XKR6: variants seen among roughly 807,000 people sequenced by gnomAD.
XKR6 encodes XK-related protein 6.
In XKR6, 22 loss-of-function variants were observed where a neutral mutation model predicts 56.7. The ratio of observed to expected loss-of-function variants is 0.39; its 90% confidence interval spans 0.28 to 0.55. XKR6 has a LOEUF of 0.55. Ranked by LOEUF, XKR6 falls within the 20% of genes least tolerant of loss-of-function variation. The probability of loss-of-function intolerance (pLI) is 0.66; values close to 1 mark genes in which losing one functional copy is unlikely to be tolerated. For synonymous variants in XKR6, 524 were observed against 387.8 expected, an observed-to-expected ratio of 1.35 and a Z score of -4.13; for missense variants, 852 against 889.0, an observed-to-expected ratio of 0.96 and a Z score of 0.53.
intron 1 of XKR6, among the ~76,000 whole-genome samples, chr8:11,165,320 G>GA (rs1371334563): frequency 6.6e-6 from 1 of 151,926 alleles, no homozygotes; most frequent in Admixed American, 6.6e-5. Context: ...GGCTGGTCTT[G>GA]AACTCCTGAC....
At chr8:11,095,907 C>A (rs1022831598) in intron 1 of XKR6, among the ~76,000 whole-genome samples, 2 of 152,172 alleles carry the variant, frequency 1.3e-5, no homozygotes, top group Admixed American at 6.5e-5. Flanking sequence ...CCAATTAAGT[C>A]TATGATTAAA....
intron 1 of XKR6, among the ~76,000 whole-genome samples, chr8:11,114,315 G>C (rs1196590784): frequency 6.6e-6 from 1 of 152,122 alleles, no homozygotes; most frequent in Non-Finnish European, 1.5e-5. Flanking sequence ...GTTCTACAAA[G>C]CTAAAGTCAT....
intron 1 of XKR6, among the ~76,000 whole-genome samples, chr8:11,037,230 A>C (rs1799169266): frequency 6.6e-6 from 1 of 152,136 alleles, no homozygotes; most frequent in South Asian, 2.1e-4. Flanking sequence ...GAATTTTAAT[A>C]CTTTTTTCTT....
At chr8:10,911,333 ATATATATG>A (rs1800356689) in intron 2 of XKR6, among the ~76,000 whole-genome samples, 1 of 127,242 alleles carries the variant, frequency 7.9e-6, no homozygotes, top group African/African-American at 3.4e-5. Context: ...ATATATATAT[ATATATATG>A]TGTGTGTGTG....
In XKR6 at chr8:11,102,643, G is replaced by GT. The variant is rs779432193; in HGVS notation, c.764+97932dup. Among the ~76,000 whole-genome samples, 22 of 152,166 alleles carry GT rather than the reference G, an allele frequency of 1.4e-4. 1 individual carries two copies. Among genetic ancestry groups the GT allele is most frequent in the South Asian group, 8.3e-4 (4 of 4,816 alleles). ...ACCGGAAGCCCACCGAGGCACCAGT[G>GT]TAAGTGTGCTAAAACAGTTTCGTGC... On this transcript the variant is annotated intron_variant, in intron 1 of 2. Coordinates refer to ENST00000416569, the MANE Select transcript of XKR6 (RefSeq NM_173683.4).
chr8:10,938,318 T>C (rs940834921), intron 1 of XKR6, among the ~76,000 whole-genome samples: 1 of 152,196 alleles, frequency 6.6e-6, no homozygotes, highest in East Asian at 1.9e-4. Flanking sequence ...CCTAGTGAGA[T>C]GAACCCGGTA....
chr8:11,051,640 C>T (rs1455937455), intron 1 of XKR6, among the ~76,000 whole-genome samples: 3 of 152,164 alleles, frequency 2.0e-5, no homozygotes, highest in African/African-American at 7.2e-5. Context: ...CTGCATCTGC[C>T]GGCTTCTCCC....
intron 1 of XKR6, among the ~76,000 whole-genome samples, chr8:11,033,312 GATGATGA>G (rs1370392656): frequency 1.3e-4 from 19 of 150,158 alleles, no homozygotes; most frequent in African/African-American, 4.5e-4. Flanking sequence ...TGGTGATGAT[GATGATGA>G]CGATAGTGAT....
At chr8:11,075,133 C>G (rs750686766) in intron 1 of XKR6, among the ~76,000 whole-genome samples, 1 of 152,148 alleles carries the variant, frequency 6.6e-6, no homozygotes, top group Non-Finnish European at 1.5e-5. Flanking sequence ...AGGAGCCCAT[C>G]ATGTGGGGAG....
At chr8:11,172,251 T>C (rs1802416471) in intron 1 of XKR6, among the ~76,000 whole-genome samples, 1 of 151,982 alleles carries the variant, frequency 6.6e-6, no homozygotes, top group African/African-American at 2.4e-5. Flanking sequence ...ACGCCTGTAA[T>C]CCCAGCTACT....
At chr8:10,964,776 T>G (rs886614212) in intron 1 of XKR6, among the ~76,000 whole-genome samples, 1 of 152,118 alleles carries the variant, frequency 6.6e-6, no homozygotes, top group South Asian at 2.1e-4. Flanking sequence ...CTGGGCCCAC[T>G]CGCGCTGCCA....
intron 1 of XKR6, among the ~76,000 whole-genome samples, chr8:10,965,149 T>C (rs1003309978): frequency 6.6e-6 from 1 of 152,226 alleles, no homozygotes; most frequent in African/African-American, 2.4e-5. Flanking sequence ...GCCTCATGGA[T>C]GGCGGGTCCC....
At chr8:10,915,558 A>G (rs901197453) in intron 2 of XKR6, among the ~76,000 whole-genome samples, 1 of 151,648 alleles carries the variant, frequency 6.6e-6, no homozygotes, top group Non-Finnish European at 1.5e-5. Flanking sequence ...ATTGGTCGGT[A>G]GGGCGACCTC....
chr8:10,976,767 CTCT>C (rs1440421147), intron 1 of XKR6, among the ~76,000 whole-genome samples: 9 of 150,074 alleles, frequency 6.0e-5, no homozygotes, highest in Non-Finnish European at 8.8e-5. Flanking sequence ...CTCTCTCTCT[CTCT>C]CTCTCTCTGT....
intron 1 of XKR6, among the ~76,000 whole-genome samples, chr8:10,940,543 G>A (rs949463953): frequency 1.3e-5 from 2 of 152,186 alleles, no homozygotes; most frequent in African/African-American, 4.8e-5. Context: ...GCTGAGTTCC[G>A]CAGGGGAAAC....
At chr8:11,023,532 G>A (rs1798792866) in intron 1 of XKR6, among the ~76,000 whole-genome samples, 1 of 152,198 alleles carries the variant, frequency 6.6e-6, no homozygotes, top group Non-Finnish European at 1.5e-5. Flanking sequence ...CCAAAGTGCT[G>A]GCATTACAGG....
At chr8:11,101,261 CTG>C (rs1245388954) in intron 1 of XKR6, among the ~76,000 whole-genome samples, 2 of 152,100 alleles carry the variant, frequency 1.3e-5, no homozygotes, top group African/African-American at 4.8e-5. Flanking sequence ...TGGAAAGAAC[CTG>C]AATAACAAGA....
intron 1 of XKR6, among the ~76,000 whole-genome samples, chr8:11,013,593 T>A (rs1446812038): frequency 2.0e-5 from 3 of 152,138 alleles, no homozygotes; most frequent in Non-Finnish European, 2.9e-5. Flanking sequence ...CGCCCCCTTT[T>A]TAAAAATTGC....
intron 1 of XKR6, among the ~76,000 whole-genome samples, chr8:11,026,885 C>T (rs112541143): frequency 7.0e-6 from 1 of 143,026 alleles, no homozygotes; most frequent in African/African-American, 2.6e-5. Context: ...CCTGCTACAC[C>T]CTTAGATGGT....
Sources: gnomAD v4.1 joint callset for allele counts (sites outside exome capture counted in the v4.1 genomes callset) on GRCh38, gnomAD v4.1.1 for gene constraint, MANE v1.5 for transcripts, NCBI Gene and HGNC (gene_info 2026-07-23, HGNC 2026-07-21) for gene names.